The following SERPINI1 variants were observed in gnomAD, a reference collection of about 807,000 sequenced individuals.
SERPINI1 encodes serpin family I member 1, also known as neuroserpin.
In SERPINI1, 19 loss-of-function variants were observed where a neutral mutation model predicts 41.1. The ratio of observed to expected loss-of-function variants is 0.46; its 90% CI spans 0.32 to 0.68. The LOEUF (loss-of-function observed/expected upper bound fraction) is 0.68, where lower values mean the gene tolerates loss of function less well. SERPINI1 is among the 30% of genes least tolerant of loss of function. The pLI is 0.03. For synonymous variants in SERPINI1, 138 were observed against 156.6 expected (o/e 0.88, Z 0.89); for missense variants, 460 against 479.2 (o/e 0.96, Z 0.37).
Position 167,807,346 on chromosome 3 carries a change from GAAAT to G in SERPINI1, c.979+9_979+12del, listed in dbSNP as rs1178226193. On this transcript the variant is annotated splice_donor_region_variant and intron_variant, in intron 6 of 8. Transcript: ENST00000446050. ...CAAATTTGACAGGCCTCTCTGGTAA[GAAAT>G]AAACACAAATTTTTAAAAATGTTAT... 1 of 1,548,524 alleles carries G rather than the reference GAAAT, an allele frequency of 6.5e-7. No homozygotes were observed. Among genetic ancestry groups the G allele is most frequent in the Non-Finnish European group, 8.9e-7 (1 of 1,121,696 alleles).
At chr3:167,817,096 T>C (rs1712121830) in intron 6 of SERPINI1, among the ~76,000 whole-genome samples, 1 of 151,846 alleles carries the variant, frequency 6.6e-6, no homozygotes, top group South Asian at 2.1e-4. Context: ...CATAATTTGA[T>C]TTGTATTTTG....
chr3:167,765,989 AT>A (rs1450878632), intron 1 of SERPINI1, among the ~76,000 whole-genome samples: 2 of 152,140 alleles, frequency 1.3e-5, no homozygotes, highest in African/African-American at 2.4e-5. Context: ...CACTATCAGC[AT>A]TTTTGTCAAA....
chr3:167,750,705 T>G (rs1726015326), intron 1 of SERPINI1, among the ~76,000 whole-genome samples: 2 of 152,140 alleles, frequency 1.3e-5, no homozygotes, highest in Admixed American at 1.3e-4. Context: ...ATTTCATAGA[T>G]GAGGAAAGTG....
At chr3:167,807,754 C>T (rs1196052830) in intron 6 of SERPINI1, among the ~76,000 whole-genome samples, 1 of 152,048 alleles carries the variant, frequency 6.6e-6, no homozygotes, top group Non-Finnish European at 1.5e-5. Flanking sequence ...GACCAAAGAT[C>T]CTTTTTAAAA....
chr3:167,765,736 T>C (rs1726542541), intron 1 of SERPINI1, among the ~76,000 whole-genome samples: 1 of 152,228 alleles, frequency 6.6e-6, no homozygotes. Flanking sequence ...TCTACTTCTC[T>C]TATAAAACTC....
chr3:167,744,617 C>T (rs1287001050), intron 1 of SERPINI1, among the ~76,000 whole-genome samples: 1 of 129,682 alleles, frequency 7.7e-6, no homozygotes, highest in African/African-American at 2.9e-5. Flanking sequence ...ATATATATAA[C>T]TATATTTAAA....
Position 167,808,863 on chromosome 3 carries a change from C to A in SERPINI1, c.979+1522C>A, listed in dbSNP as rs566330079. 2.6e-5 allele frequency among the ~76,000 whole-genome samples: 4 copies of A among 152,234 alleles called. No homozygotes were observed. The South Asian group carries it at 8.3e-4, about 32-fold the overall frequency. ...TCGTATTAATAGCTTTCGAGAAATT[C>A]TCAGTGTGTCTGTGATGAAAAAAGC... On this transcript the variant is annotated intron_variant, in intron 6 of 8. Transcript: ENST00000446050.
chr3:167,777,728 A>C (rs1433761884), intron 1 of SERPINI1, among the ~76,000 whole-genome samples: 1 of 152,208 alleles, frequency 6.6e-6, no homozygotes, highest in Non-Finnish European at 1.5e-5. Flanking sequence ...TTGGCACTAC[A>C]TATTCTCTTA....
intron 6 of SERPINI1, among the ~76,000 whole-genome samples, chr3:167,813,405 C>T (rs1038142324): frequency 1.3e-5 from 2 of 152,172 alleles, no homozygotes; most frequent in African/African-American, 4.8e-5. Flanking sequence ...TATGTCCTCT[C>T]CTACTCCCCA....
At chr3:167,821,189 A>G (rs796961615) in intron 6 of SERPINI1, among the ~76,000 whole-genome samples, 17 of 152,304 alleles carry the variant, frequency 1.1e-4, no homozygotes, top group African/African-American at 4.1e-4. Flanking sequence ...GGGACCCACC[A>G]AATGGCAGGA....
In SERPINI1 at chr3:167,796,470, C is replaced by T. The variant is rs370047206; in HGVS notation, c.881+1646C>T. Among the ~76,000 whole-genome samples, 5 of 152,092 alleles carry T rather than the reference C, an allele frequency of 3.3e-5. No homozygotes were observed. In the East Asian group the frequency reaches 9.7e-4, roughly 29 times the overall value. ...ATCAACTCATCACCTAGGTATTAAG[C>T]CTTGCATGCGTTAGCTATTTATCCT... On this transcript the variant is annotated intron_variant, in intron 5 of 8. Coordinates refer to ENST00000446050, the MANE Select transcript of SERPINI1 (RefSeq NM_001122752.2).
chr3:167,822,946 T>C, intron 6 of SERPINI1, 40 bp from the exon 7 acceptor site: 1 of 1,173,910 alleles, frequency 8.5e-7, no homozygotes, highest in Non-Finnish European at 1.3e-6. Flanking sequence ...TTTTCCTATC[T>C]CTGAATGAAA....
chr3:167,813,548 T>C (rs1711965018), intron 6 of SERPINI1, among the ~76,000 whole-genome samples: 1 of 152,140 alleles, frequency 6.6e-6, no homozygotes, highest in Non-Finnish European at 1.5e-5. Context: ...TCACTCTTAC[T>C]AATTGTTTAA....
At chr3:167,794,279 A>G (rs1443908220) in intron 4 of SERPINI1, among the ~76,000 whole-genome samples, 3 of 152,182 alleles carry the variant, frequency 2.0e-5, no homozygotes, top group Non-Finnish European at 4.4e-5. Flanking sequence ...AATAAATTAT[A>G]CAGGGCTGTG....
intron 1 of SERPINI1, among the ~76,000 whole-genome samples, chr3:167,746,356 A>G (rs1725864751): frequency 6.6e-6 from 1 of 152,190 alleles, no homozygotes; most frequent in South Asian, 2.1e-4. Context: ...ATTACCATGC[A>G]TTATACAGTA....
chr3:167,790,709 A>G (rs1243264302), intron 3 of SERPINI1, 107 bp downstream of exon 3: 4 of 808,102 alleles, frequency 4.9e-6, no homozygotes, highest in South Asian at 1.5e-5. Flanking sequence ...GTTTGAGAGC[A>G]TTTAGTTGGG....
intron 1 of SERPINI1, among the ~76,000 whole-genome samples, chr3:167,740,967 C>T (rs995414957): frequency 9.8e-5 from 15 of 152,288 alleles, no homozygotes; most frequent in African/African-American, 3.4e-4. Flanking sequence ...TGTAAATGTT[C>T]CATTTTCAGT....
chr3:167,782,176 A>C (rs1322315067), intron 1 of SERPINI1, among the ~76,000 whole-genome samples: 1 of 152,194 alleles, frequency 6.6e-6, no homozygotes, highest in African/African-American at 2.4e-5. Context: ...GTCTATGTGA[A>C]AGTAACTCAT....
intron 4 of SERPINI1, among the ~76,000 whole-genome samples, chr3:167,794,140 T>G (rs1727635310): frequency 6.6e-6 from 1 of 152,102 alleles, no homozygotes. Context: ...TTTATTTTTC[T>G]AACCAGGGCT....
Sources: gnomAD v4.1 joint callset for allele counts (sites outside exome capture counted in the v4.1 genomes callset) on GRCh38, gnomAD v4.1.1 for gene constraint, MANE v1.5 for transcripts, NCBI Gene and HGNC (gene_info 2026-07-23, HGNC 2026-07-21) for gene names.